ADGRV1: variants seen among roughly 807,000 people sequenced by gnomAD.
ADGRV1 encodes G-protein coupled receptor 98.
Under a neutral mutation model 596.2 loss-of-function variants are expected in ADGRV1, and 359 were observed. The ratio of observed to expected loss-of-function variants is 0.60; its 90% CI spans 0.55 to 0.66. The LOEUF is 0.66. ADGRV1 is among the 30% of genes least tolerant of loss of function. ADGRV1 has a pLI of 0.00. For synonymous variants in ADGRV1, 2,681 were observed against 2,679.2 expected (o/e 1.00, Z -0.02); for missense variants, 7,274 against 7,575.6 (o/e 0.96, Z 1.48).
At chr5:90,644,023 G>A (rs1191095806) in intron 14 of ADGRV1, 40 bp downstream of exon 14, 1 of 1,291,764 alleles carries the variant, frequency 7.7e-7, no homozygotes, top group East Asian at 2.6e-5. Flanking sequence ...TCTGTTTACT[G>A]AAGAAGAAAT....
Position 90,841,260 on chromosome 5 carries a change from G to A in ADGRV1, c.17019+275G>A, listed in dbSNP as rs553629800. Reference sequence around the variant, plus strand: ...GTGCATGAAAAAAAAGGCTCCAGAGGTTGGGAGCTATAGGCAGTTGGCGAC... The same window carrying A: ...GTGCATGAAAAAAAAGGCTCCAGAGATTGGGAGCTATAGGCAGTTGGCGAC... On this transcript the variant is annotated intron_variant, in intron 78 of 89. Transcript: ENST00000405460. Among the ~76,000 whole-genome samples the A allele has an allele frequency of 2.0e-5, 3 of 152,216 alleles. No individual in the cohort carries two copies. The South Asian group carries it at 6.2e-4, about 32-fold the overall frequency.
At chr5:90,680,206 C>T (rs1049051495) in intron 26 of ADGRV1, among the ~76,000 whole-genome samples, 1 of 151,856 alleles carries the variant, frequency 6.6e-6, no homozygotes, top group African/African-American at 2.4e-5. Flanking sequence ...AAAAATTAGC[C>T]AAGCGTGGTG....
intron 7 of ADGRV1, 117 bp downstream of exon 7, chr5:90,627,893 A>C: frequency 1.2e-5 from 6 of 488,682 alleles, no homozygotes; most frequent in Non-Finnish European, 1.7e-5. Flanking sequence ...TTTTCCCACA[A>C]AGTTTCATGA....
chr5:90,687,155 G>T (rs1431158616), intron 29 of ADGRV1, among the ~76,000 whole-genome samples: 1 of 152,040 alleles, frequency 6.6e-6, no homozygotes, highest in Middle Eastern at 3.4e-3. Flanking sequence ...CTCACATTTT[G>T]TAAGTTGCCT....
chr5:90,579,278 T>A (rs1757656773), intron 1 of ADGRV1, among the ~76,000 whole-genome samples: 2 of 152,226 alleles, frequency 1.3e-5, no homozygotes, highest in Non-Finnish European at 1.5e-5. Flanking sequence ...CTGCTTTACG[T>A]ATGTCCCAGA....
At chr5:90,912,296 T>C (rs1772956805) in intron 83 of ADGRV1, among the ~76,000 whole-genome samples, 1 of 152,096 alleles carries the variant, frequency 6.6e-6, no homozygotes, top group Non-Finnish European at 1.5e-5. Context: ...GAGAAGCAGC[T>C]GGACAGAAGC....
intron 87 of ADGRV1, among the ~76,000 whole-genome samples, chr5:91,118,073 A>G (rs1404561571): frequency 6.6e-6 from 1 of 152,176 alleles, no homozygotes; most frequent in Non-Finnish European, 1.5e-5. Context: ...AATATCTAGA[A>G]AAGTCAGAGA....
chr5:90,602,236 G>C (rs561919466), intron 1 of ADGRV1, among the ~76,000 whole-genome samples: 1 of 152,038 alleles, frequency 6.6e-6, no homozygotes, highest in Non-Finnish European at 1.5e-5. Context: ...TTAATATGTC[G>C]GTAGATAGAT....
At chr5:90,856,922 A>G (rs941062228) in intron 82 of ADGRV1, among the ~76,000 whole-genome samples, 1 of 152,140 alleles carries the variant, frequency 6.6e-6, no homozygotes, top group Non-Finnish European at 1.5e-5. Flanking sequence ...TATCTCTTGT[A>G]TTTGGTATGC....
chr5:90,623,935 T>A (rs2149364420), intron 5 of ADGRV1, among the ~76,000 whole-genome samples: 1 of 152,348 alleles, frequency 6.6e-6, no homozygotes, highest in African/African-American at 2.4e-5. Context: ...CACATTTAAA[T>A]CTTCAACTAA....
Position 90,729,869 on chromosome 5 carries a change from TA to T in ADGRV1, c.10549+106del, listed in dbSNP as rs1165909444. The T allele has an allele frequency of 1.0e-5, 12 of 1,200,314 alleles. No individual in the cohort carries two copies. In the African/African-American group the frequency reaches 1.3e-4, roughly 13 times the overall value. 74.4% of individuals were successfully genotyped at this position (1,200,314 alleles called of 1,614,324 possible). ...TAGTATCACATTGCCAGACACTGGG[TA>T]TTTTTTTTTTTTTGGAGATGGGGTC... On this transcript the variant is annotated intron_variant, in intron 50 of 89. Coordinates refer to ENST00000405460, the MANE Select transcript of ADGRV1 (RefSeq NM_032119.4).
chr5:91,040,680 G>A (rs570084922), intron 85 of ADGRV1, among the ~76,000 whole-genome samples: 1 of 152,274 alleles, frequency 6.6e-6, no homozygotes, highest in East Asian at 1.9e-4. Context: ...AGTAAAAGAT[G>A]ATGACAACAA....
At chr5:90,972,174 G>A (rs1022479179) in intron 84 of ADGRV1, among the ~76,000 whole-genome samples, 4 of 152,032 alleles carry the variant, frequency 2.6e-5, no homozygotes, top group South Asian at 2.1e-4. Flanking sequence ...TATATGCACC[G>A]AATACAGGAG....
At position 90,777,931 on chromosome 5, in the gene ADGRV1, G is replaced by A; in HGVS notation, c.12554G>A (p.Gly4185Glu). The A allele has an allele frequency of 6.2e-7, 1 of 1,612,056 alleles. No homozygotes were observed. Among genetic ancestry groups the A allele is most frequent in the South Asian group, 1.1e-5 (1 of 90,780 alleles). The change falls in exon 62 of 90, where the codon GGG (glycine) becomes GAG (glutamate). Residue 4185 changes from glycine (G) to glutamate (E), a missense_variant. Gly to Glu is a moderately conservative substitution (Grantham distance 98, BLOSUM62 -2). Coordinates refer to ENST00000405460, the MANE Select transcript of ADGRV1 (RefSeq NM_032119.4). Reference protein sequence around the residue: ...ISLVRGPGILGEVTVFWRIFP... With the variant: ...ISLVRGPGILEEVTVFWRIFP... Reference sequence around the variant, plus strand: ...CTTGTTCGAGGCCCAGGGATTTTGGGGGAGGTCACAGTGTTCTGGAGGATA... The same window carrying A: ...CTTGTTCGAGGCCCAGGGATTTTGGAGGAGGTCACAGTGTTCTGGAGGATA...
chr5:90,637,817 C>G lies in ADGRV1; in HGVS notation c.2109C>G (p.Thr703=), dbSNP rs377270367. 3 of 1,613,420 alleles carry G rather than the reference C, an allele frequency of 1.9e-6. No homozygotes were observed. Among genetic ancestry groups the G allele is most frequent in the African/African-American group, 2.7e-5 (2 of 74,858 alleles). Residue 703 remains threonine (T), a synonymous_variant, in exon 11 of 90, where the codon ACC becomes ACG. Coordinates refer to ENST00000405460, the MANE Select transcript of ADGRV1 (RefSeq NM_032119.4). ...KPSGFNSKAV[T]PDDIGPFNGS... ...CTGGCTTTAATTCAAAAGCAGTGACCCCGGATGATATAGGCCCCTTTAATG... is the reference window on the plus strand; with the variant it reads ...CTGGCTTTAATTCAAAAGCAGTGACGCCGGATGATATAGGCCCCTTTAATG...
intron 1 of ADGRV1, among the ~76,000 whole-genome samples, chr5:90,614,543 T>C (rs1763109055): frequency 6.6e-6 from 1 of 152,132 alleles, no homozygotes; most frequent in South Asian, 2.1e-4. Flanking sequence ...ATAAATTTTT[T>C]ACATGAACTA....
chr5:91,050,959 A>G (rs971457953), intron 85 of ADGRV1, among the ~76,000 whole-genome samples: 1 of 152,236 alleles, frequency 6.6e-6, no homozygotes, highest in African/African-American at 2.4e-5. Context: ...GCGGTTGTTC[A>G]CTTCTCTAAC....
At chr5:90,939,035 A>T (rs1041488449) in intron 83 of ADGRV1, among the ~76,000 whole-genome samples, 1 of 152,180 alleles carries the variant, frequency 6.6e-6, no homozygotes, top group Non-Finnish European at 1.5e-5. Flanking sequence ...TTATGGATTT[A>T]AGATAAAATA....
chr5:90,928,896 A>C (rs1774860124), intron 83 of ADGRV1, among the ~76,000 whole-genome samples: 9 of 144,036 alleles, frequency 6.2e-5, no homozygotes, highest in Admixed American at 5.5e-4. Flanking sequence ...CTGCCGTGTG[A>C]GGTGTCAGTG....
Sources: allele counts gnomAD v4.1 joint callset (sites outside exome capture counted in the v4.1 genomes callset), GRCh38; gene constraint gnomAD v4.1.1; transcripts MANE v1.5; gene names NCBI Gene and HGNC (gene_info 2026-07-23, HGNC 2026-07-21).